MAML3: variants seen among roughly 807,000 people sequenced by gnomAD.
MAML3 encodes mastermind like transcriptional coactivator 3, also known as mastermind-like protein 3.
In MAML3, 27 loss-of-function variants were observed where a neutral mutation model predicts 101.9. The ratio of observed to expected loss-of-function variants is 0.27; its 90% CI spans 0.20 to 0.37. The LOEUF (loss-of-function observed/expected upper bound fraction) is 0.37. Ranked by LOEUF, MAML3 falls within the 10% of genes least tolerant of loss-of-function variation. The probability of loss-of-function intolerance (pLI) is 1.00; values close to 1 mark genes in which losing one functional copy is unlikely to be tolerated. For synonymous variants in MAML3, 501 were observed against 555.9 expected (o/e 0.90, Z 1.39); for missense variants, 1,316 against 1,444.9 (o/e 0.91, Z 1.45).
intron 1 of MAML3, among the ~76,000 whole-genome samples, chr4:139,998,250 T>A (rs114570556): frequency 6.6e-6 from 1 of 152,168 alleles, no homozygotes; most frequent in Non-Finnish European, 1.5e-5. Context: ...TAGCTGATGG[T>A]TTCTTCTGTC....
intron 1 of MAML3, among the ~76,000 whole-genome samples, chr4:140,125,199 G>A (rs1288841647): frequency 2.0e-5 from 3 of 151,932 alleles, no homozygotes; most frequent in Admixed American, 2.0e-4. Context: ...GATATATACT[G>A]AATAAAAGAA....
At chr4:139,953,301 C>T (rs1280684038) in intron 1 of MAML3, among the ~76,000 whole-genome samples, 1 of 152,112 alleles carries the variant, frequency 6.6e-6, no homozygotes, top group Non-Finnish European at 1.5e-5. Context: ...GAATTTGTAT[C>T]GTAGGCATAT....
chr4:140,112,999 G>C (rs979071594), intron 1 of MAML3, among the ~76,000 whole-genome samples: 1 of 152,210 alleles, frequency 6.6e-6, no homozygotes, highest in Non-Finnish European at 1.5e-5. Context: ...TAAAATAACT[G>C]TCCGGGCGCA....
At chr4:140,059,251 T>C (rs1727403696) in intron 1 of MAML3, among the ~76,000 whole-genome samples, 1 of 152,218 alleles carries the variant, frequency 6.6e-6, no homozygotes, top group African/African-American at 2.4e-5. Flanking sequence ...CTCATTGTAA[T>C]ATCCCTAGCA....
chr4:139,969,378 C>T, intron 1 of MAML3, among the ~76,000 whole-genome samples: 1 of 152,040 alleles, frequency 6.6e-6, no homozygotes, highest in South Asian at 2.1e-4. Context: ...CCCCTGCTCC[C>T]TTCTACTTCC....
chr4:140,066,859 T>C (rs1243151148), intron 1 of MAML3, among the ~76,000 whole-genome samples: 1 of 152,232 alleles, frequency 6.6e-6, no homozygotes, highest in Non-Finnish European at 1.5e-5. Context: ...GAACCTAATA[T>C]CTGCACATCT....
intron 2 of MAML3, among the ~76,000 whole-genome samples, chr4:139,742,181 C>G (rs1478727320): frequency 2.0e-5 from 3 of 146,634 alleles, no homozygotes; most frequent in Non-Finnish European, 4.5e-5. Flanking sequence ...GAGAGTCTCG[C>G]TCTGTCAGCC....
chr4:139,753,236 T>C (rs1172710181), intron 2 of MAML3, among the ~76,000 whole-genome samples: 1 of 152,196 alleles, frequency 6.6e-6, no homozygotes, highest in Admixed American at 6.5e-5. Flanking sequence ...CTTCACAATG[T>C]TGTGTGATCG....
intron 2 of MAML3, among the ~76,000 whole-genome samples, chr4:139,789,761 A>G (rs948731461): frequency 2.0e-5 from 3 of 152,204 alleles, no homozygotes; most frequent in Admixed American, 1.3e-4. Context: ...AGTTAATTCA[A>G]AAGTTGTTTT....
At chr4:139,772,734 A>G (rs1180325991) in intron 2 of MAML3, among the ~76,000 whole-genome samples, 1 of 152,054 alleles carries the variant, frequency 6.6e-6, no homozygotes, top group Non-Finnish European at 1.5e-5. Flanking sequence ...GAGTCAGTCA[A>G]TGTTCTGTCA....
At chr4:139,845,006 G>GTC (rs139759127) in intron 2 of MAML3, among the ~76,000 whole-genome samples, 16 of 148,500 alleles carry the variant, frequency 1.1e-4, no homozygotes, top group Middle Eastern at 6.9e-3. Context: ...CTCTCTCTCT[G>GTC]TCTCTCTCTC....
intron 2 of MAML3, among the ~76,000 whole-genome samples, chr4:139,850,513 G>T (rs1731528986): frequency 6.6e-6 from 1 of 151,918 alleles, no homozygotes; most frequent in African/African-American, 2.4e-5. Context: ...CCTAGCACTG[G>T]TATAAACCTC....
chr4:139,966,564 G>A (rs1734133816), intron 1 of MAML3, among the ~76,000 whole-genome samples: 1 of 152,172 alleles, frequency 6.6e-6, no homozygotes, highest in South Asian at 2.1e-4. Context: ...TACCACTCAT[G>A]TAGATGAATC....
At chr4:139,792,239 G>A (rs535753739) in intron 2 of MAML3, among the ~76,000 whole-genome samples, 2 of 152,268 alleles carry the variant, frequency 1.3e-5, no homozygotes, top group South Asian at 4.1e-4. Flanking sequence ...ACTCATAGTA[G>A]ATTAAATCTA....
Position 140,143,638 on chromosome 4 carries a change from G to A in MAML3, c.468+9222C>T, listed in dbSNP as rs1729010979. ...TAGCCGGGCGTGGTGGCGGGTGCCTGTAATCCCAGCTACTCGGGAGGCTGA... is the reference window on the plus strand; with the variant it reads ...TAGCCGGGCGTGGTGGCGGGTGCCTATAATCCCAGCTACTCGGGAGGCTGA... On this transcript the variant is annotated intron_variant, in intron 1 of 4. Transcript: ENST00000509479. Among the ~76,000 whole-genome samples, 3 of 152,276 alleles carry A rather than the reference G, an allele frequency of 2.0e-5. No homozygotes were observed. The South Asian group carries it at 6.2e-4, about 32-fold the overall frequency.
At chr4:139,977,624 G>A (rs1436306972) in intron 1 of MAML3, among the ~76,000 whole-genome samples, 1 of 152,200 alleles carries the variant, frequency 6.6e-6, no homozygotes, top group Non-Finnish European at 1.5e-5. Flanking sequence ...TGTAATCCCA[G>A]CACCTTGGGA....
intron 2 of MAML3, among the ~76,000 whole-genome samples, chr4:139,778,655 T>G (rs544693869): frequency 1.3e-5 from 2 of 152,290 alleles, no homozygotes; most frequent in South Asian, 4.1e-4. Flanking sequence ...TCCATAACAT[T>G]TATAAGGCCC....
intron 1 of MAML3, among the ~76,000 whole-genome samples, chr4:139,949,573 T>C (rs1468042815): frequency 6.6e-6 from 1 of 152,258 alleles, no homozygotes; most frequent in Non-Finnish European, 1.5e-5. Context: ...ACCCATCATT[T>C]GATACTATGG....
rs1734486783 is a variant in MAML3 at position 139,983,796 on chromosome 4, A to G, written c.469-92829T>C. Among the ~76,000 whole-genome samples, 5 of 152,308 alleles carry G rather than the reference A, an allele frequency of 3.3e-5. No individual in the cohort carries two copies. The South Asian group carries it at 1.0e-3, about 32-fold the overall frequency. On this transcript the variant is annotated intron_variant, in intron 1 of 4. Coordinates refer to ENST00000509479, the MANE Select transcript of MAML3 (RefSeq NM_018717.5). ...AGCAAACACACTAGGGAAGACAGAGAAGTGTGCTGGGCAGTGGAGTATCAC... is the reference window on the plus strand; with the variant it reads ...AGCAAACACACTAGGGAAGACAGAGGAGTGTGCTGGGCAGTGGAGTATCAC...
Sources: allele counts gnomAD v4.1 joint callset (sites outside exome capture counted in the v4.1 genomes callset), GRCh38; gene constraint gnomAD v4.1.1; transcripts MANE v1.5; gene names NCBI Gene and HGNC (gene_info 2026-07-23, HGNC 2026-07-21).